AFAP1: variants seen among roughly 807,000 people sequenced by gnomAD.
AFAP1 encodes actin filament associated protein 1, also known as actin filament-associated protein 1.
In AFAP1, 75 loss-of-function variants were observed where a neutral mutation model predicts 93.9. That is an observed-to-expected ratio of 0.80 (90% confidence interval 0.66 to 0.97). The LOEUF is 0.97. AFAP1 is among the 50% of genes least tolerant of loss of function. AFAP1 has a pLI of 0.00. For synonymous variants in AFAP1, 517 were observed against 430.7 expected, an observed-to-expected ratio of 1.20 and a Z score of -2.48; for missense variants, 1,201 against 1,050.8, an observed-to-expected ratio of 1.14 and a Z score of -1.98.
At chr4:7,786,867 G>GT (rs1221562337) in intron 11 of AFAP1, among the ~76,000 whole-genome samples, 1 of 152,314 alleles carries the variant, frequency 6.6e-6, no homozygotes, top group East Asian at 1.9e-4. Flanking sequence ...GTGGACCCCT[G>GT]TTCTATAAGC....
At chr4:7,863,471 C>G (rs1029662940) in intron 3 of AFAP1, among the ~76,000 whole-genome samples, 2 of 152,204 alleles carry the variant, frequency 1.3e-5, no homozygotes, top group African/African-American at 4.8e-5. Flanking sequence ...AAGCACAGCT[C>G]TTTCCACAGT....
chr4:7,868,271 A>G (rs1173535696), intron 3 of AFAP1, among the ~76,000 whole-genome samples: 1 of 152,196 alleles, frequency 6.6e-6, no homozygotes, highest in Admixed American at 6.5e-5. Flanking sequence ...GAAGAGAGTC[A>G]AGTCCACAAG....
chr4:7,833,208 C>T (rs995455315), intron 6 of AFAP1, among the ~76,000 whole-genome samples: 3 of 152,156 alleles, frequency 2.0e-5, no homozygotes, highest in Admixed American at 6.5e-5. Flanking sequence ...GCAGAGTAAA[C>T]AGACAACCCA....
intron 2 of AFAP1, among the ~76,000 whole-genome samples, chr4:7,871,406 A>G (rs1009696787): frequency 6.6e-5 from 10 of 152,214 alleles, no homozygotes; most frequent in African/African-American, 2.2e-4. Flanking sequence ...GAGGGTGCCT[A>G]GAGGACCGGA....
In AFAP1 at chr4:7,939,140, G is replaced by T; in HGVS notation, c.-3+516C>A. 5.4e-6 allele frequency: 1 copy of T among 186,454 alleles called. No homozygotes were observed. The highest frequency in any genetic ancestry group is 1.1e-5 in the Non-Finnish European group (1 of 87,256). The allele number at this position is 186,454 out of a possible 1,614,324, so 11.5% of individuals were successfully genotyped here. On this transcript the variant is annotated intron_variant, in intron 1 of 17. Coordinates refer to ENST00000420658, the MANE Select transcript of AFAP1 (RefSeq NM_001134647.2). The surrounding 1 kb of genome is among the most constrained non-coding windows in gnomAD (Gnocchi z 5.6). Reference sequence around the variant, plus strand: ...GCGTGGGTCCACGCAACAACCTATAGGTGACAAAACACTCAGGAAGCCGTC... The same window carrying T: ...GCGTGGGTCCACGCAACAACCTATATGTGACAAAACACTCAGGAAGCCGTC...
In AFAP1 at chr4:7,778,597, C is replaced by T. The variant is rs149527499; in HGVS notation, c.1897+165G>A. ...GCAGTCAGAAAAGCTGGGTTGAAATCGCCACTGTCCTTCTATGTGGCTGAT... is the reference window on the plus strand; with the variant it reads ...GCAGTCAGAAAAGCTGGGTTGAAATTGCCACTGTCCTTCTATGTGGCTGAT... On this transcript the variant is annotated intron_variant, in intron 14 of 17. Transcript: ENST00000420658. 7.3e-4 allele frequency: 509 copies of T among 694,570 alleles called. 4 individuals are homozygous for T. The East Asian group carries it at 0.012, about 17-fold the overall frequency. 43.0% of individuals were successfully genotyped at this position (694,570 alleles called of 1,614,324 possible).
chr4:7,819,895 C>T (rs1363043527), intron 6 of AFAP1, among the ~76,000 whole-genome samples: 1 of 152,218 alleles, frequency 6.6e-6, no homozygotes, highest in Non-Finnish European at 1.5e-5. Context: ...TCAGCTTCCT[C>T]ATCTGAAAAG....
intron 1 of AFAP1, among the ~76,000 whole-genome samples, chr4:7,913,809 A>C (rs1719908738): frequency 6.6e-6 from 1 of 152,226 alleles, no homozygotes; most frequent in Non-Finnish European, 1.5e-5. Flanking sequence ...GTTAAAATAA[A>C]TGCCTAGGGT....
intron 1 of AFAP1, among the ~76,000 whole-genome samples, chr4:7,929,169 CT>C (rs1720927760): frequency 6.6e-6 from 1 of 152,108 alleles, no homozygotes; most frequent in Non-Finnish European, 1.5e-5. Flanking sequence ...CTCCTGCCCC[CT>C]GTACAACAGC....
intron 1 of AFAP1, among the ~76,000 whole-genome samples, chr4:7,931,202 G>GT (rs1266146955): frequency 6.6e-6 from 1 of 152,150 alleles, no homozygotes; most frequent in African/African-American, 2.4e-5. Flanking sequence ...CATAAACGCA[G>GT]TAACCTCCAA....
chr4:7,798,838 C>G, intron 10 of AFAP1: 5 of 976,638 alleles, frequency 5.1e-6, no homozygotes, highest in Non-Finnish European at 6.1e-6. Flanking sequence ...ACCCCCACCG[C>G]ACCCCGAGCT....
chr4:7,912,356 T>C (rs1345504705), intron 1 of AFAP1, among the ~76,000 whole-genome samples: 1 of 152,260 alleles, frequency 6.6e-6, no homozygotes, highest in Non-Finnish European at 1.5e-5. Flanking sequence ...ATTGCACATT[T>C]AGTTTTTTAA....
chr4:7,879,928 G>A (rs776280444), intron 1 of AFAP1, among the ~76,000 whole-genome samples: 7 of 152,062 alleles, frequency 4.6e-5, no homozygotes, highest in Non-Finnish European at 7.4e-5. Flanking sequence ...GCCTCCCAAA[G>A]TGCTGGGATT....
chr4:7,769,083 A>C, intron 16 of AFAP1, 75 bp from the exon 17 acceptor site: 1 of 1,474,920 alleles, frequency 6.8e-7, no homozygotes, highest in Non-Finnish European at 9.0e-7. Context: ...AAAATGATTT[A>C]TTTCAAGGAA....
chr4:7,928,388 G>GT (rs1286431283), intron 1 of AFAP1, among the ~76,000 whole-genome samples: 4 of 151,936 alleles, frequency 2.6e-5, no homozygotes, highest in Non-Finnish European at 5.9e-5. Flanking sequence ...ACTAGGTTTT[G>GT]TTTTTTTGGT....
chr4:7,842,525 G>A (rs1713159424), intron 5 of AFAP1, among the ~76,000 whole-genome samples: 1 of 151,464 alleles, frequency 6.6e-6, no homozygotes, highest in African/African-American at 2.4e-5. Flanking sequence ...AAGAAGGAAG[G>A]TGGGGAGGGA....
At chr4:7,935,968 A>G (rs1721353881) in intron 1 of AFAP1, among the ~76,000 whole-genome samples, 2 of 152,244 alleles carry the variant, frequency 1.3e-5, no homozygotes, top group African/African-American at 4.8e-5. Context: ...AATAAAATCT[A>G]GAAAACCATA....
Position 7,786,318 on chromosome 4 carries a change from G to A in AFAP1, c.1413-7C>T, listed in dbSNP as rs552211512. On this transcript the variant is annotated splice_region_variant and splice_polypyrimidine_tract_variant and intron_variant, in intron 11 of 17. Transcript: ENST00000420658. ...AACACGCCTGTTCATGAAACTGAAAGAAAGGAAATGCGTTAAAATCCATAA... is the reference window on the plus strand; with the variant it reads ...AACACGCCTGTTCATGAAACTGAAAAAAAGGAAATGCGTTAAAATCCATAA... 1.1e-5 allele frequency: 17 copies of A among 1,607,472 alleles called. No homozygotes were observed. The highest frequency in any genetic ancestry group is 3.3e-5 in the South Asian group (3 of 90,912).
At chr4:7,885,655 T>G (rs1366705197) in intron 1 of AFAP1, among the ~76,000 whole-genome samples, 1 of 152,238 alleles carries the variant, frequency 6.6e-6, no homozygotes, top group Non-Finnish European at 1.5e-5. Context: ...ATTAATTCAC[T>G]TTTATGTTTC....
Sources: gnomAD v4.1 joint callset for allele counts (sites outside exome capture counted in the v4.1 genomes callset) on GRCh38, gnomAD v4.1.1 for gene constraint, Gnocchi (gnomAD v3.1) non-coding constraint, MANE v1.5 for transcripts, NCBI Gene and HGNC (gene_info 2026-07-23, HGNC 2026-07-21) for gene names.